The following FOXP1 variants were observed in gnomAD, a reference collection of about 807,000 sequenced individuals.
FOXP1 encodes forkhead box protein P1.
A neutral mutation model predicts 98.2 loss-of-function variants in FOXP1; 15 were observed. That is an observed-to-expected ratio of 0.15 (90% CI 0.10 to 0.24). FOXP1 has a LOEUF of 0.24. FOXP1 is among the 10% of genes least tolerant of loss of function. FOXP1 has a pLI of 1.00. For missense variants in FOXP1, 633 were observed against 848.5 expected (o/e 0.75, Z 3.15); for synonymous variants, 371 against 314.5 (o/e 1.18, Z -1.90).
At chr3:71,031,342 G>C (rs1380111838) in intron 11 of FOXP1, among the ~76,000 whole-genome samples, 1 of 152,198 alleles carries the variant, frequency 6.6e-6, no homozygotes, top group Non-Finnish European at 1.5e-5. Flanking sequence ...TATTTGTTTA[G>C]GGAAGTCTTA....
At chr3:71,184,768 T>TTG (rs570062648) in intron 6 of FOXP1, among the ~76,000 whole-genome samples, 49 of 150,890 alleles carry the variant, frequency 3.2e-4, no homozygotes, top group African/African-American at 1.1e-3. Context: ...TTTTTTTTTT[T>TTG]GGGGGGGGCA....
At chr3:71,198,420 G>GGGGGT in intron 5 of FOXP1, 28 bp from the exon 6 acceptor site, 2 of 535,284 alleles carry the variant, frequency 3.7e-6, no homozygotes, top group East Asian at 5.3e-5. Context: ...AAGATGGGGG[G>GGGGGT]AGGGAGGGGG....
intron 19 of FOXP1, among the ~76,000 whole-genome samples, chr3:70,967,718 T>TG (rs201774401): frequency 0.022 from 3,130 of 141,926 alleles, 141 homozygotes; most frequent in African/African-American, 0.077. Flanking sequence ...TTGTTTTTTT[T>TG]TTTTTTTTTT....
chr3:71,465,971 G>T (rs1393681537), intron 3 of FOXP1, among the ~76,000 whole-genome samples: 1 of 152,150 alleles, frequency 6.6e-6, no homozygotes, highest in African/African-American at 2.4e-5. Flanking sequence ...GTTTCATCTG[G>T]AAACCACTAC....
At chr3:71,236,561 A>G (rs1049972791) in intron 5 of FOXP1, among the ~76,000 whole-genome samples, 1 of 152,210 alleles carries the variant, frequency 6.6e-6, no homozygotes, top group African/African-American at 2.4e-5. Flanking sequence ...TAAAATTTCT[A>G]GCAGCCACGT....
At position 71,325,380 on chromosome 3, in the gene FOXP1, C is replaced by T. The variant is rs74586608; in HGVS notation, c.-72-25500G>A. 7.4e-3 allele frequency among the ~76,000 whole-genome samples: 1,133 copies of T among 152,196 alleles called. 30 individuals carry two copies. Among genetic ancestry groups the T allele is most frequent in the Non-Finnish European group, 4.8e-3 (328 of 68,014 alleles). On this transcript the variant is annotated intron_variant, in intron 4 of 20. Transcript: ENST00000649528. The stretch of plus-strand genomic sequence containing the variant: ...TCCCTTGATATTTAAATGCTGGCAA[C>T]GGATCAAATTATTTTAATGTATTTT...
chr3:71,583,922 T>G (rs1466510642), upstream of FOXP1: 6 of 978,568 alleles, frequency 6.1e-6, no homozygotes, highest in Non-Finnish European at 7.2e-6. Context: ...CGCTGGGCAC[T>G]CCAGCGGCCC....
intron 2 of FOXP1, among the ~76,000 whole-genome samples, chr3:71,555,956 A>G (rs2046095896): frequency 6.6e-6 from 1 of 152,104 alleles, no homozygotes; most frequent in Non-Finnish European, 1.5e-5. Context: ...GAAGGAAGAA[A>G]AGGAAAAAAA....
At chr3:71,024,275 T>C (rs1440318905) in intron 11 of FOXP1, among the ~76,000 whole-genome samples, 2 of 152,134 alleles carry the variant, frequency 1.3e-5, no homozygotes, top group African/African-American at 4.8e-5. Flanking sequence ...TGAAAACACT[T>C]TGAGAAGCAG....
At chr3:71,083,244 C>T (rs2054646970) in intron 7 of FOXP1, among the ~76,000 whole-genome samples, 1 of 152,068 alleles carries the variant, frequency 6.6e-6, no homozygotes, top group Non-Finnish European at 1.5e-5. Flanking sequence ...TGCCCCCTCA[C>T]CCCCAAATCT....
chr3:71,373,855 T>A (rs1002608429), intron 3 of FOXP1, among the ~76,000 whole-genome samples: 1 of 152,244 alleles, frequency 6.6e-6, no homozygotes, highest in Non-Finnish European at 1.5e-5. Flanking sequence ...CTGACAGCTG[T>A]CTTCTTGTAG....
intron 2 of FOXP1, among the ~76,000 whole-genome samples, chr3:71,523,300 G>A (rs1453368511): frequency 1.3e-5 from 2 of 152,170 alleles, no homozygotes; most frequent in African/African-American, 4.8e-5. Flanking sequence ...GGCTCTAGAA[G>A]CAAAAGATGA....
chr3:71,028,724 A>G (rs1169543390), intron 11 of FOXP1, among the ~76,000 whole-genome samples: 1 of 152,234 alleles, frequency 6.6e-6, no homozygotes, highest in Non-Finnish European at 1.5e-5. Flanking sequence ...ACATTGTAAC[A>G]TATAATGAAA....
intron 7 of FOXP1, among the ~76,000 whole-genome samples, chr3:71,099,734 G>C (rs150666538): frequency 3.2e-4 from 48 of 152,234 alleles, no homozygotes; most frequent in Middle Eastern, 6.8e-3. Context: ...CTGCCAGTCA[G>C]ACACCAGAGG....
At chr3:71,010,833 C>CT in intron 12 of FOXP1, among the ~76,000 whole-genome samples, 1 of 141,216 alleles carries the variant, frequency 7.1e-6, no homozygotes, top group Non-Finnish European at 1.5e-5. Flanking sequence ...ATAACCCCCC[C>CT]TCCCCCCCCA....
At chr3:71,534,967 C>G (rs1026843261) in intron 2 of FOXP1, among the ~76,000 whole-genome samples, 4 of 152,196 alleles carry the variant, frequency 2.6e-5, no homozygotes, top group Non-Finnish European at 5.9e-5. Context: ...ATTCTTCACA[C>G]TGAACTTGAA....
At chr3:71,068,913 C>A (rs2052883063) in intron 7 of FOXP1, among the ~76,000 whole-genome samples, 1 of 152,208 alleles carries the variant, frequency 6.6e-6, no homozygotes, top group Non-Finnish European at 1.5e-5. Context: ...ATTGCAACAG[C>A]AATGCCCCAT....
intron 3 of FOXP1, among the ~76,000 whole-genome samples, chr3:71,429,855 A>C (rs1375398359): frequency 6.6e-6 from 1 of 152,222 alleles, no homozygotes; most frequent in Middle Eastern, 3.2e-3. Flanking sequence ...ATACAATCAA[A>C]AATGATGTGT....
In FOXP1 at chr3:71,239,451, G is replaced by A. The variant is rs528936089; in HGVS notation, c.-11-41059C>T. 3.3e-5 allele frequency among the ~76,000 whole-genome samples: 5 copies of A among 152,238 alleles called. No individual in the cohort carries two copies. In the South Asian group the frequency reaches 1.0e-3, roughly 32 times the overall value. On this transcript the variant is annotated intron_variant, in intron 5 of 20. Coordinates refer to ENST00000649528, the MANE Select transcript of FOXP1 (RefSeq NM_001349338.3). ...CCCAGCTACTCAGGAGGCTAAGGCA[G>A]GAGAATTGCTTAAACCTGGGAGGCA...
Sources: gnomAD v4.1 joint callset for allele counts (sites outside exome capture counted in the v4.1 genomes callset) on GRCh38, gnomAD v4.1.1 for gene constraint, MANE v1.5 for transcripts, NCBI Gene and HGNC (gene_info 2026-07-23, HGNC 2026-07-21) for gene names.